Variants in KCNC2 observed in about 807,000 individuals in gnomAD.
KCNC2 encodes the protein voltage-gated potassium channel KCNC2.
KCNC2 carries 21 observed loss-of-function variants against 44.5 expected under a neutral mutation model. The observed-to-expected ratio is 0.47, with a 90% CI of 0.33 to 0.68. The LOEUF (loss-of-function observed/expected upper bound fraction) is 0.68. KCNC2 is among the 30% of genes least tolerant of loss of function. The pLI is 0.01. For synonymous variants in KCNC2, 391 were observed against 339.1 expected, an observed-to-expected ratio of 1.15 and a Z score of -1.68; for missense variants, 589 against 826.2, an observed-to-expected ratio of 0.71 and a Z score of 3.52.
intron 2 of KCNC2, among the ~76,000 whole-genome samples, chr12:75,113,814 G>T (rs1887439439): frequency 6.6e-6 from 1 of 152,130 alleles, no homozygotes; most frequent in Non-Finnish European, 1.5e-5. Flanking sequence ...ACAGGGCATT[G>T]GTCTGTCCTT....
intron 2 of KCNC2, among the ~76,000 whole-genome samples, chr12:75,052,498 G>A (rs1881285311): frequency 6.6e-6 from 1 of 152,128 alleles, no homozygotes; most frequent in Non-Finnish European, 1.5e-5. Context: ...CTAGTAATCT[G>A]TGATAACACT....
chr12:75,161,751 A>T (rs115227918), intron 2 of KCNC2, among the ~76,000 whole-genome samples: 2,560 of 151,840 alleles, frequency 0.017, 67 homozygotes, highest in African/African-American at 0.058. Context: ...ACTGCTTTTA[A>T]CTAGGAAATA....
At chr12:75,123,644 C>G (rs1304244978) in intron 2 of KCNC2, among the ~76,000 whole-genome samples, 2 of 152,142 alleles carry the variant, frequency 1.3e-5, no homozygotes, top group Non-Finnish European at 2.9e-5. Context: ...CAATAGAGTA[C>G]AACCCAGTAT....
At chr12:75,099,380 G>A (rs149841274) in intron 2 of KCNC2, among the ~76,000 whole-genome samples, 1 of 152,164 alleles carries the variant, frequency 6.6e-6, no homozygotes. Flanking sequence ...TTCTGTCTAT[G>A]AAAGGCCCAG....
At chr12:75,131,935 A>T (rs1045896438) in intron 2 of KCNC2, among the ~76,000 whole-genome samples, 2 of 152,192 alleles carry the variant, frequency 1.3e-5, no homozygotes, top group African/African-American at 4.8e-5. Flanking sequence ...ACTGTGAGAT[A>T]ATAAATGGAT....
At chr12:75,082,012 G>A (rs1056249737) in intron 2 of KCNC2, among the ~76,000 whole-genome samples, 11 of 151,938 alleles carry the variant, frequency 7.2e-5, no homozygotes, top group African/African-American at 2.4e-4. Flanking sequence ...AACAATTTCT[G>A]TCTAAGCTTG....
At chr12:75,100,207 G>T (rs1886265485) in intron 2 of KCNC2, among the ~76,000 whole-genome samples, 1 of 151,968 alleles carries the variant, frequency 6.6e-6, no homozygotes, top group Admixed American at 6.6e-5. Flanking sequence ...AGAGAAAATG[G>T]GGTTCTTCTT....
Position 75,041,057 on chromosome 12 carries a change from T to C in KCNC2, c.*2048A>G. 6.7e-7 allele frequency: 1 copy of C among 1,503,032 alleles called. No homozygotes were observed. The highest frequency in any genetic ancestry group is 9.1e-7 in the Non-Finnish European group (1 of 1,093,906). 93.1% of individuals were successfully genotyped at this position (1,503,032 alleles called of 1,614,324 possible). On this transcript the variant is annotated 3_prime_UTR_variant, in exon 5 of 5. Coordinates refer to ENST00000549446, the MANE Select transcript of KCNC2 (RefSeq NM_139137.4). ...TCTTTTATAAGCTTTAAGTGCCTCA[T>C]GAAGACGCGAGGATCTCTTCCAAGT...
chr12:75,051,207 A>G lies in KCNC2; in HGVS notation c.798T>C (p.Asn266=), dbSNP rs1465695555. Residue 266 remains asparagine (N), a synonymous_variant, in exon 3 of 5, where the codon AAT becomes AAC. Transcript: ENST00000549446. Reference sequence around the variant, plus strand: ...CATACTGTAGAACAACACTTGTGCCATTGATGACTGGTTCTGTCTTGTTTT... The same window carrying G: ...CATACTGTAGAACAACACTTGTGCCGTTGATGACTGGTTCTGTCTTGTTTT... ...IVKNKTEPVI[N]GTSVVLQYEI... 6.2e-7 allele frequency: 1 copy of G among 1,613,180 alleles called. No homozygotes were observed. The highest frequency in any genetic ancestry group is 1.7e-5 in the Admixed American group (1 of 59,968).
intron 2 of KCNC2, among the ~76,000 whole-genome samples, chr12:75,060,656 A>C (rs370961990): frequency 5.9e-5 from 9 of 151,990 alleles, no homozygotes; most frequent in East Asian, 1.9e-4. Flanking sequence ...TTTTAAATAG[A>C]GATGGGATTT....
At chr12:75,052,793 G>A (rs1352527096) in intron 2 of KCNC2, among the ~76,000 whole-genome samples, 1 of 152,064 alleles carries the variant, frequency 6.6e-6, no homozygotes, top group African/African-American at 2.4e-5. Context: ...AAATATCTTA[G>A]GACTGTGGCT....
At chr12:75,174,294 T>C (rs901860040) in intron 2 of KCNC2, among the ~76,000 whole-genome samples, 1 of 151,828 alleles carries the variant, frequency 6.6e-6, no homozygotes, top group African/African-American at 2.4e-5. Context: ...TTAATTAAAC[T>C]TGATCGGAAT....
At chr12:75,090,543 C>T (rs1016995050) in intron 2 of KCNC2, among the ~76,000 whole-genome samples, 1 of 151,584 alleles carries the variant, frequency 6.6e-6, no homozygotes, top group African/African-American at 2.4e-5. Flanking sequence ...TTTCAGGATC[C>T]TTTACCCCTG....
At chr12:75,133,639 G>C (rs1463691814) in intron 2 of KCNC2, among the ~76,000 whole-genome samples, 1 of 151,846 alleles carries the variant, frequency 6.6e-6, no homozygotes. Context: ...CATAAGAGTG[G>C]CCTTACATGA....
intron 4 of KCNC2, 122 bp downstream of exon 4, chr12:75,048,031 G>C: frequency 1.2e-6 from 1 of 815,078 alleles, no homozygotes. Context: ...ATGAAGAGAG[G>C]AAAAGAGCAC....
rs373729570 is a variant in KCNC2, at chr12:75,138,979, T to TAAAAAAAA, written c.687+68310_687+68317dup. 3.0e-3 allele frequency among the ~76,000 whole-genome samples: 230 copies of TAAAAAAAA among 77,892 alleles called. 4 individuals are homozygous for TAAAAAAAA. Among genetic ancestry groups the TAAAAAAAA allele is most frequent in the East Asian group, 0.023 (24 of 1,060 alleles). The allele number at this position is 77,892 out of a possible 152,430, so 51.1% of individuals were successfully genotyped here. On this transcript the variant is annotated intron_variant, in intron 2 of 4. Coordinates refer to ENST00000549446, the MANE Select transcript of KCNC2 (RefSeq NM_139137.4). ...CTGGGCCACAGAGCGAGACTCCGTGTAAAAAAAAAAAAAAAAAAAAAAAAA... is the reference window on the plus strand; with the variant it reads ...CTGGGCCACAGAGCGAGACTCCGTGTAAAAAAAAAAAAAAAAAAAAAAAAAAAAAAAAA...
chr12:75,150,573 T>C (rs1463474233), intron 2 of KCNC2, among the ~76,000 whole-genome samples: 2 of 151,922 alleles, frequency 1.3e-5, no homozygotes, highest in Non-Finnish European at 2.9e-5. Context: ...CATCAATACT[T>C]CCTTGGCATT....
chr12:75,114,856 CTTTTTTTT>C (rs754820554), intron 2 of KCNC2, among the ~76,000 whole-genome samples: 4 of 86,542 alleles, frequency 4.6e-5, no homozygotes, highest in African/African-American at 1.1e-4. Context: ...TCAACTTCTA[CTTTTTTTT>C]TTTTTTTTTT....
At chr12:75,095,856 C>T (rs1387277478) in intron 2 of KCNC2, among the ~76,000 whole-genome samples, 1 of 151,820 alleles carries the variant, frequency 6.6e-6, no homozygotes, top group Admixed American at 6.6e-5. Context: ...GACTTTCATA[C>T]CATAATTATA....
Sources: gnomAD v4.1 joint callset for allele counts (sites outside exome capture counted in the v4.1 genomes callset) on GRCh38, gnomAD v4.1.1 for gene constraint, MANE v1.5 for transcripts, NCBI Gene and HGNC (gene_info 2026-07-23, HGNC 2026-07-21) for gene names.